The following C20orf96 variants were observed in gnomAD, a reference collection of about 807,000 sequenced individuals.
C20orf96 encodes the protein uncharacterized protein C20orf96.
In C20orf96, 57 loss-of-function variants were observed where a neutral mutation model predicts 52.6. That is an observed-to-expected ratio of 1.08 (90% CI 0.88 to 1.35). The LOEUF is 1.35. Ranked by LOEUF, C20orf96 falls within the 40% of genes most tolerant of loss-of-function variation. The pLI is 0.00. For missense variants in C20orf96, 478 were observed against 443.6 expected, an observed-to-expected ratio of 1.08 and a Z score of -0.70; for synonymous variants, 168 against 157.2, an observed-to-expected ratio of 1.07 and a Z score of -0.51.
At position 290,246 on chromosome 20, in the gene C20orf96, C is replaced by T; in HGVS notation, c.69+13G>A. 6.2e-7 allele frequency: 1 copy of T among 1,608,088 alleles called. No individual in the cohort carries two copies. The highest frequency in any genetic ancestry group is 8.5e-7 in the Non-Finnish European group (1 of 1,175,924). ...CGAGCCTCCCACCCCAGCCCTAGTC[C>T]CCCAAGACTCACCGGAACCTGGAAC... On this transcript the variant is annotated intron_variant, in intron 2 of 10. Coordinates refer to ENST00000360321, the MANE Select transcript of C20orf96 (RefSeq NM_153269.3).
intron 4 of C20orf96, among the ~76,000 whole-genome samples, chr20:282,904 A>G (rs562158575): frequency 1.9e-3 from 293 of 152,234 alleles, no homozygotes; most frequent in Non-Finnish European, 2.3e-3. Flanking sequence ...TAAGAGAAAT[A>G]TGAGTTCCTC....
chr20:271,217 A>AGTG lies in C20orf96; in HGVS notation c.1079_1081dup (p.Pro360dup). The AGTG allele has an allele frequency of 1.3e-6, 2 of 1,555,470 alleles. No individual in the cohort carries two copies. The highest frequency in any genetic ancestry group is 2.4e-5 in the South Asian group (2 of 84,238). On this transcript the variant is annotated inframe_insertion, in exon 11 of 11. Transcript: ENST00000360321. ...CCATGGCACTGCCATCTAGAAGGGT[A>AGTG]GTGGCTCTTCCACAGGAATGTTGAG... is the stretch of plus-strand genomic sequence containing the variant.
At chr20:277,016 C>T (rs375158580) in intron 8 of C20orf96, 28 bp downstream of exon 8, 30 of 1,603,846 alleles carry the variant, frequency 1.9e-5, no homozygotes, top group East Asian at 8.9e-5. Flanking sequence ...CCTGGATCCC[C>T]GCTCCCACAC....
At chr20:290,108 C>G (rs1011929905) in intron 2 of C20orf96, 151 bp downstream of exon 2, 56 of 627,220 alleles carry the variant, frequency 8.9e-5, no homozygotes, top group Non-Finnish European at 1.5e-4. Context: ...GAGGCTTGCT[C>G]TGGGTCCCAC....
chr20:289,773 TC>T (rs11478105), intron 2 of C20orf96, 97 bp from the exon 3 acceptor site: 345,776 of 911,968 alleles, frequency 0.38, 67,893 homozygotes, highest in East Asian at 0.53. Flanking sequence ...ACTTGACCTC[TC>T]CTGAGCCTCA....
chr20:285,542 A>G lies in C20orf96; in HGVS notation c.188-1461T>C, dbSNP rs150409037. The stretch of plus-strand genomic sequence containing the variant: ...GAATGATTAATAGGTTAATCTTGTG[A>G]TTCTAATTTTAAAAGTGTAAGTGGG... On this transcript the variant is annotated intron_variant, in intron 3 of 10. Coordinates refer to ENST00000360321, the MANE Select transcript of C20orf96 (RefSeq NM_153269.3). Among the ~76,000 whole-genome samples the G allele has an allele frequency of 1.3e-3, 192 of 152,316 alleles. 3 individuals carry two copies. Among genetic ancestry groups the G allele is most frequent in the African/African-American group, 4.4e-3 (182 of 41,564 alleles).
At position 290,560 on chromosome 20, in the gene C20orf96, C is replaced by T. The variant is rs190996850; in HGVS notation, c.20+31G>A. 79 of 1,537,582 alleles carry T rather than the reference C, an allele frequency of 5.1e-5. No individual in the cohort carries two copies. The African/African-American group carries it at 1.2e-3, about 24-fold the overall frequency. ...TACGCATGCGTATTCCGCCTTTCTT[C>T]CAATTTTTTTTTTTTTTTTTTTTTA... On this transcript the variant is annotated intron_variant, in intron 1 of 10. Transcript: ENST00000360321.
At chr20:277,523 G>T (rs1328107589) in intron 6 of C20orf96, 140 bp from the exon 7 acceptor site, 2 of 824,158 alleles carry the variant, frequency 2.4e-6, no homozygotes, top group Admixed American at 2.3e-5. Flanking sequence ...ACAGGGCTGG[G>T]AGGTGGTTAA....
At chr20:285,372 G>C (rs1341638609) in intron 3 of C20orf96, among the ~76,000 whole-genome samples, 1 of 152,206 alleles carries the variant, frequency 6.6e-6, no homozygotes, top group African/African-American at 2.4e-5. Flanking sequence ...ATCTGGGAGA[G>C]ATACTAATCT....
chr20:279,253 C>G lies in C20orf96; in HGVS notation c.384G>C (p.Glu128Asp). ...RENFLSKLNR[E>D]LIETIQEMEN... Reference sequence around the variant, plus strand: ...CCATCTCCTGGATGGTCTCGATCAGCTCCCGGTTGAGCTTGCTGAGGAAGT... The same window carrying G: ...CCATCTCCTGGATGGTCTCGATCAGGTCCCGGTTGAGCTTGCTGAGGAAGT... Residue 128 changes from glutamate (E) to aspartate (D), a missense_variant, in exon 5 of 11, where the codon GAG (glutamate) becomes GAC (aspartate). Physicochemically the swap from Glu to Asp is conservative, Grantham distance 45. Transcript: ENST00000360321. 1 of 1,611,270 alleles carries G rather than the reference C, an allele frequency of 6.2e-7. No individual in the cohort carries two copies. Among genetic ancestry groups the G allele is most frequent in the Non-Finnish European group, 8.5e-7 (1 of 1,179,280 alleles).
chr20:281,590 T>C (rs2012256807), intron 4 of C20orf96, among the ~76,000 whole-genome samples: 1 of 152,264 alleles, frequency 6.6e-6, no homozygotes, highest in Admixed American at 6.5e-5. Flanking sequence ...GCTTGCCATG[T>C]GGCTGATACT....
intron 3 of C20orf96, among the ~76,000 whole-genome samples, chr20:284,782 G>T (rs531325605): frequency 6.6e-6 from 1 of 152,208 alleles, no homozygotes; most frequent in Non-Finnish European, 1.5e-5. Context: ...GTTTGAACTC[G>T]GGAGGCGGAG....
chr20:279,576 C>T (rs537899881), intron 4 of C20orf96, among the ~76,000 whole-genome samples: 2 of 152,320 alleles, frequency 1.3e-5, no homozygotes, highest in African/African-American at 4.8e-5. Flanking sequence ...GGTGCATCTA[C>T]AGTTGGTGGC....
At chr20:277,725 A>T (rs1286288580) in intron 6 of C20orf96, among the ~76,000 whole-genome samples, 1 of 152,164 alleles carries the variant, frequency 6.6e-6, no homozygotes, top group African/African-American at 2.4e-5. Context: ...AAGTGAGACC[A>T]GGCAGATGGG....
chr20:282,011 C>G lies in C20orf96; in HGVS notation c.306+1952G>C, dbSNP rs142054284. On this transcript the variant is annotated intron_variant, in intron 4 of 10. Transcript: ENST00000360321. ...CAAGGATTAAATTCAGTAACTTATT[C>G]AAGGTCACACATAGCAGAGCTGTCA... Among the ~76,000 whole-genome samples, 10 of 152,276 alleles carry G rather than the reference C, an allele frequency of 6.6e-5. 1 individual carries two copies. The highest frequency in any genetic ancestry group is 2.4e-4 in the African/African-American group (10 of 41,546).
rs374583308 is a variant in C20orf96, at chr20:285,096, T to C, written c.188-1015A>G. Among the ~76,000 whole-genome samples, 22 of 152,322 alleles carry C rather than the reference T, an allele frequency of 1.4e-4. No individual in the cohort carries two copies. The South Asian group carries it at 1.4e-3, about 10-fold the overall frequency. ...AGTGCTGGATACACATTACCAGTTG[T>C]TACTCTTACTTCTAGTGACCTGAGA... On this transcript the variant is annotated intron_variant, in intron 3 of 10. Coordinates refer to ENST00000360321, the MANE Select transcript of C20orf96 (RefSeq NM_153269.3).
At chr20:276,721 A>G (rs2012036215) in intron 9 of C20orf96, 72 bp downstream of exon 9, 2 of 1,569,162 alleles carry the variant, frequency 1.3e-6, no homozygotes, top group African/African-American at 2.7e-5. Flanking sequence ...AGCCTGACTC[A>G]TTCCCACAGG....
In C20orf96 at chr20:279,167, C is replaced by A; in HGVS notation, c.465+5G>T. On this transcript the variant is annotated splice_donor_5th_base_variant and intron_variant, in intron 5 of 10. Coordinates refer to ENST00000360321, the MANE Select transcript of C20orf96 (RefSeq NM_153269.3). ...CGGAGGGCGGGCGGATGCCGCGGGT[C>A]TCACCGCCAGGGTGTCCTGCTGCTG... 6.3e-7 allele frequency: 1 copy of A among 1,578,004 alleles called. No individual in the cohort carries two copies. The highest frequency in any genetic ancestry group is 8.6e-7 in the Non-Finnish European group (1 of 1,167,924).
At chr20:286,195 A>G (rs760946251) in intron 3 of C20orf96, among the ~76,000 whole-genome samples, 13 of 152,286 alleles carry the variant, frequency 8.5e-5, no homozygotes, top group Admixed American at 3.3e-4. Flanking sequence ...ATTACAAGAT[A>G]GTTCAGATTC....
Sources: gnomAD v4.1 joint callset for allele counts (sites outside exome capture counted in the v4.1 genomes callset) on GRCh38, gnomAD v4.1.1 for gene constraint, MANE v1.5 for transcripts, NCBI Gene and HGNC (gene_info 2026-07-23, HGNC 2026-07-21) for gene names.